MEGF9: variants seen among roughly 807,000 people sequenced by gnomAD.
MEGF9 encodes the protein multiple EGF like domains 9, also known as multiple epidermal growth factor-like domains protein 9.
MEGF9 carries 6 observed loss-of-function variants against 46.8 expected under a neutral mutation model. The ratio of observed to expected loss-of-function variants is 0.13; its 90% CI spans 0.07 to 0.25. MEGF9 has a LOEUF of 0.25. Ranked by LOEUF, MEGF9 falls within the 10% of genes least tolerant of loss-of-function variation. The pLI, the probability that MEGF9 is intolerant of heterozygous loss-of-function variation, is 1.00. For missense variants in MEGF9, 683 were observed against 792.4 expected, an observed-to-expected ratio of 0.86 and a Z score of 1.66; for synonymous variants, 302 against 330.7, an observed-to-expected ratio of 0.91 and a Z score of 0.94.
At chr9:120,703,744 G>C (rs1410387344) in intron 1 of MEGF9, among the ~76,000 whole-genome samples, 1 of 152,022 alleles carries the variant, frequency 6.6e-6, no homozygotes, top group Non-Finnish European at 1.5e-5. Context: ...AGGCTGAGAC[G>C]GGTGGATCAC....
At chr9:120,696,239 C>T (rs1337361188) in intron 1 of MEGF9, among the ~76,000 whole-genome samples, 2 of 152,162 alleles carry the variant, frequency 1.3e-5, no homozygotes, top group Non-Finnish European at 2.9e-5. Context: ...ATTTCTGTTG[C>T]TTAGAATTAA....
intron 1 of MEGF9, among the ~76,000 whole-genome samples, chr9:120,681,279 G>A (rs757305903): frequency 1.3e-5 from 2 of 152,314 alleles, no homozygotes; most frequent in African/African-American, 2.4e-5. Context: ...TTCCCTTGAA[G>A]GCGGCAGATT....
At chr9:120,638,093 A>G (rs1054712066) in intron 2 of MEGF9, among the ~76,000 whole-genome samples, 1 of 152,042 alleles carries the variant, frequency 6.6e-6, no homozygotes, top group African/African-American at 2.4e-5. Context: ...ACTGAGCTCA[A>G]ATAATCATCC....
Position 120,605,782 on chromosome 9 carries a change from T to G in MEGF9, c.1358-141A>C. On this transcript the variant is annotated intron_variant, in intron 5 of 5. Coordinates refer to ENST00000373930, the MANE Select transcript of MEGF9 (RefSeq NM_001080497.3). This position sits in a 1 kb window ranked among gnomAD's most constrained non-coding sequence, Gnocchi z 4.0. ...GCTTTAAGGTAATGCAAGTTAAAAA[T>G]AATGTTTAAAGAAATATAGTGATAA... is the stretch of plus-strand genomic sequence containing the variant. The G allele has an allele frequency of 1.5e-6, 1 of 675,538 alleles. No individual in the cohort carries two copies. Among genetic ancestry groups the G allele is most frequent in the South Asian group, 2.0e-5 (1 of 50,440 alleles). 41.8% of individuals were successfully genotyped at this position (675,538 alleles called of 1,614,324 possible).
intron 4 of MEGF9, among the ~76,000 whole-genome samples, chr9:120,608,845 G>C (rs1245059178): frequency 6.6e-6 from 1 of 152,130 alleles, no homozygotes; most frequent in African/African-American, 2.4e-5. Flanking sequence ...CTTCTAAGCA[G>C]TTATCAATTC....
chr9:120,627,501 C>G (rs1275161836), intron 2 of MEGF9, among the ~76,000 whole-genome samples: 1 of 151,972 alleles, frequency 6.6e-6, no homozygotes, highest in Non-Finnish European at 1.5e-5. Flanking sequence ...GCTCTGTCAC[C>G]CAGGTTGGAG....
At chr9:120,704,035 C>T (rs528549582) in intron 1 of MEGF9, among the ~76,000 whole-genome samples, 18 of 150,300 alleles carry the variant, frequency 1.2e-4, no homozygotes, top group Admixed American at 6.0e-4. Flanking sequence ...TATTTCAATA[C>T]GAAGAAATGA....
chr9:120,697,296 G>A (rs767548137), intron 1 of MEGF9, among the ~76,000 whole-genome samples: 8 of 152,218 alleles, frequency 5.3e-5, no homozygotes, highest in Admixed American at 2.0e-4. Flanking sequence ...TTGCCCAGGC[G>A]GGTCTCAAAC....
At chr9:120,649,382 G>A (rs940758608) in intron 2 of MEGF9, among the ~76,000 whole-genome samples, 2 of 152,206 alleles carry the variant, frequency 1.3e-5, no homozygotes, top group African/African-American at 2.4e-5. Context: ...TCCCCATGTC[G>A]GTCTAGGTTT....
intron 5 of MEGF9, 25 bp downstream of exon 5, chr9:120,607,716 T>C: frequency 6.2e-7 from 1 of 1,601,944 alleles, no homozygotes; most frequent in South Asian, 1.1e-5. Context: ...ATATTAAATT[T>C]ACAATCACTT....
At chr9:120,618,908 A>T (rs922505797) in intron 3 of MEGF9, among the ~76,000 whole-genome samples, 1 of 151,978 alleles carries the variant, frequency 6.6e-6, no homozygotes, top group Admixed American at 6.6e-5. Context: ...AAAAAAAAAA[A>T]AAAGATTTTT....
At chr9:120,680,819 C>T (rs953259486) in intron 1 of MEGF9, among the ~76,000 whole-genome samples, 4 of 152,206 alleles carry the variant, frequency 2.6e-5, no homozygotes, top group Non-Finnish European at 5.9e-5. Flanking sequence ...GCCACCACCA[C>T]CACTGGTTCT....
chr9:120,675,548 A>C (rs1587992138), intron 1 of MEGF9, among the ~76,000 whole-genome samples: 1 of 152,048 alleles, frequency 6.6e-6, no homozygotes, highest in Non-Finnish European at 1.5e-5. Flanking sequence ...AGTTGTGATC[A>C]TGCCACTGTA....
At chr9:120,637,203 T>G (rs561527191) in intron 2 of MEGF9, among the ~76,000 whole-genome samples, 2,484 of 152,228 alleles carry the variant, frequency 0.016, 58 homozygotes, top group African/African-American at 0.056. Context: ...ATGTGCTTTG[T>G]TAAACAGATG....
At chr9:120,641,483 CTTCT>C (rs2043602867) in intron 2 of MEGF9, among the ~76,000 whole-genome samples, 1 of 152,114 alleles carries the variant, frequency 6.6e-6, no homozygotes, top group South Asian at 2.1e-4. Context: ...AAAAAAAACC[CTTCT>C]TTCTTAGTTC....
intron 2 of MEGF9, among the ~76,000 whole-genome samples, chr9:120,650,194 G>A (rs1017438835): frequency 3.3e-5 from 5 of 152,176 alleles, no homozygotes; most frequent in Non-Finnish European, 4.4e-5. Flanking sequence ...CTTGAACACG[G>A]GAGGCGGAGG....
chr9:120,653,651 C>T (rs1158620316), intron 2 of MEGF9, among the ~76,000 whole-genome samples: 2 of 152,130 alleles, frequency 1.3e-5, no homozygotes, highest in Non-Finnish European at 2.9e-5. Context: ...GGATTACAGG[C>T]GTGGGCCACC....
At chr9:120,650,461 G>A (rs2043644624) in intron 2 of MEGF9, among the ~76,000 whole-genome samples, 1 of 152,068 alleles carries the variant, frequency 6.6e-6, no homozygotes, top group Non-Finnish European at 1.5e-5. Flanking sequence ...AATTAAACAG[G>A]TTGGAACACC....
intron 2 of MEGF9, among the ~76,000 whole-genome samples, chr9:120,628,600 C>T (rs1056431211): frequency 1.4e-5 from 2 of 147,828 alleles, no homozygotes; most frequent in Non-Finnish European, 3.0e-5. Context: ...GGTCATGCAA[C>T]GAGGGCCAGT....
Sources: gnomAD v4.1 joint callset for allele counts (sites outside exome capture counted in the v4.1 genomes callset) on GRCh38, gnomAD v4.1.1 for gene constraint, Gnocchi (gnomAD v3.1) non-coding constraint, MANE v1.5 for transcripts, NCBI Gene and HGNC (gene_info 2026-07-23, HGNC 2026-07-21) for gene names.